Variants in TMEM132D observed in about 807,000 individuals in gnomAD.
The protein encoded by TMEM132D is transmembrane protein 132D.
Under a neutral mutation model 62.3 loss-of-function variants are expected in TMEM132D, and 21 were observed. The ratio of observed to expected loss-of-function variants is 0.34; its 90% CI spans 0.24 to 0.49. The LOEUF (loss-of-function observed/expected upper bound fraction) is 0.49. TMEM132D is among the 20% of genes least tolerant of loss of function. The probability of loss-of-function intolerance (pLI) is 0.99; values close to 1 mark genes in which losing one functional copy is unlikely to be tolerated. For missense variants in TMEM132D, 1,346 were observed against 1,402.8 expected, an observed-to-expected ratio of 0.96 and a Z score of 0.65; for synonymous variants, 621 against 575.6, an observed-to-expected ratio of 1.08 and a Z score of -1.13.
At chr12:129,877,628 C>CACACACACACAGAG (rs869172595) in intron 1 of TMEM132D, among the ~76,000 whole-genome samples, 1 of 146,962 alleles carries the variant, frequency 6.8e-6, no homozygotes, top group Non-Finnish European at 1.5e-5. Flanking sequence ...CACACACACA[C>CACACACACACAGAG]AGAGAGAGAG....
intron 1 of TMEM132D, among the ~76,000 whole-genome samples, chr12:129,823,722 A>T (rs894572180): frequency 2.0e-5 from 3 of 152,180 alleles, no homozygotes; most frequent in African/African-American, 7.2e-5. Flanking sequence ...GTGAGAACAA[A>T]TTTGCGGCTC....
intron 3 of TMEM132D, among the ~76,000 whole-genome samples, chr12:129,457,407 A>G (rs1191690626): frequency 1.5e-5 from 2 of 131,390 alleles, no homozygotes; most frequent in East Asian, 5.1e-4. Flanking sequence ...ACATGGACAC[A>G]GGAAGGGGAA....
intron 1 of TMEM132D, among the ~76,000 whole-genome samples, chr12:129,825,393 GCAGTGCACT>G (rs2137328764): frequency 6.6e-6 from 1 of 152,202 alleles, no homozygotes; most frequent in South Asian, 2.1e-4. Flanking sequence ...CTCCAGCTGG[GCAGTGCACT>G]CTGCTGCCTC....
intron 1 of TMEM132D, among the ~76,000 whole-genome samples, chr12:129,876,430 T>A (rs899868683): frequency 2.0e-5 from 3 of 152,244 alleles, no homozygotes. Context: ...CTAAGGATTA[T>A]TGGTTGACTG....
intron 4 of TMEM132D, among the ~76,000 whole-genome samples, chr12:129,282,697 A>C (rs568858502): frequency 6.6e-6 from 1 of 152,350 alleles, no homozygotes; most frequent in South Asian, 2.1e-4. Flanking sequence ...GTTGAAAATT[A>C]GAAAACTCCA....
At chr12:129,530,674 G>C (rs748491744) in intron 3 of TMEM132D, among the ~76,000 whole-genome samples, 9 of 152,218 alleles carry the variant, frequency 5.9e-5, no homozygotes, top group South Asian at 2.1e-4. Flanking sequence ...CGTGTGAAGA[G>C]AGACGTATAG....
At chr12:129,514,261 C>G (rs1210595827) in intron 3 of TMEM132D, among the ~76,000 whole-genome samples, 1 of 152,218 alleles carries the variant, frequency 6.6e-6, no homozygotes, top group Non-Finnish European at 1.5e-5. Context: ...ACCACCACCA[C>G]CAGCATCTCC....
chr12:129,737,470 C>T (rs921990562), intron 1 of TMEM132D, among the ~76,000 whole-genome samples: 1 of 152,200 alleles, frequency 6.6e-6, no homozygotes, highest in South Asian at 2.1e-4. Flanking sequence ...AATCTCCAGG[C>T]TTGCATTCCA....
chr12:129,829,578 G>T (rs546260016), intron 1 of TMEM132D, among the ~76,000 whole-genome samples: 2 of 152,180 alleles, frequency 1.3e-5, no homozygotes, highest in East Asian at 3.9e-4. Context: ...GCCACTCCTG[G>T]GACAGTCTCC....
In TMEM132D at chr12:129,637,542, C is replaced by A. The variant is rs144293254; in HGVS notation, c.968+62268G>T. 6.5e-3 allele frequency among the ~76,000 whole-genome samples: 987 copies of A among 152,250 alleles called. 5 individuals carry two copies. The highest frequency in any genetic ancestry group is 8.8e-3 in the Non-Finnish European group (600 of 68,024). On this transcript the variant is annotated intron_variant, in intron 2 of 8. Coordinates refer to ENST00000422113, the MANE Select transcript of TMEM132D (RefSeq NM_133448.3). ...TCAAAAGCGTGTGGTACCTTACCCCCACCCCCTTCCTCCTGGTCTGGCCAT... is the reference window on the plus strand; with the variant it reads ...TCAAAAGCGTGTGGTACCTTACCCCAACCCCCTTCCTCCTGGTCTGGCCAT...
At chr12:129,148,981 CA>C in intron 5 of TMEM132D, among the ~76,000 whole-genome samples, 1 of 152,024 alleles carries the variant, frequency 6.6e-6, no homozygotes, top group Admixed American at 6.5e-5. Context: ...TCAGCTTTGA[CA>C]AAAAGGGACT....
chr12:129,105,859 C>T (rs200867432), intron 5 of TMEM132D, among the ~76,000 whole-genome samples: 25 of 150,874 alleles, frequency 1.7e-4, no homozygotes, highest in Admixed American at 3.3e-4. Flanking sequence ...GTCAGTGTGG[C>T]GATTCCTCAG....
intron 4 of TMEM132D, among the ~76,000 whole-genome samples, chr12:129,260,857 A>G (rs571527345): frequency 1.0e-3 from 156 of 152,326 alleles, no homozygotes; most frequent in African/African-American, 3.6e-3. Context: ...ATTCATTTTT[A>G]TGGCTGAATA....
rs182119487 is a variant in TMEM132D, at chr12:129,234,722, A to G, written c.1300-25059T>C. Among the ~76,000 whole-genome samples the G allele has an allele frequency of 1.2e-4, 18 of 152,356 alleles. No homozygotes were observed. In the East Asian group the frequency reaches 2.7e-3, roughly 23 times the overall value. ...CAGGATGCCAATACTAATGACTTATATATGTTAATCTGATAGGTTTTAATA... is the reference window on the plus strand; with the variant it reads ...CAGGATGCCAATACTAATGACTTATGTATGTTAATCTGATAGGTTTTAATA... On this transcript the variant is annotated intron_variant, in intron 4 of 8. Coordinates refer to ENST00000422113, the MANE Select transcript of TMEM132D (RefSeq NM_133448.3).
intron 3 of TMEM132D, among the ~76,000 whole-genome samples, chr12:129,373,717 C>G (rs1870693883): frequency 6.6e-6 from 1 of 152,142 alleles, no homozygotes; most frequent in Admixed American, 6.5e-5. Flanking sequence ...AGCAGGCATA[C>G]ACATTTCCTT....
intron 1 of TMEM132D, among the ~76,000 whole-genome samples, chr12:129,801,691 T>C (rs1871789686): frequency 6.6e-6 from 1 of 151,914 alleles, no homozygotes; most frequent in Admixed American, 6.6e-5. Flanking sequence ...GGTTGGAGAA[T>C]GACTTTGACG....
At chr12:129,767,879 G>A (rs922931585) in intron 1 of TMEM132D, among the ~76,000 whole-genome samples, 8 of 152,262 alleles carry the variant, frequency 5.3e-5, no homozygotes, top group South Asian at 2.1e-4. Flanking sequence ...ACACTTCCAC[G>A]TGGCTGGGGA....
At chr12:129,884,982 A>C (rs1041237793) in intron 1 of TMEM132D, among the ~76,000 whole-genome samples, 63 of 152,262 alleles carry the variant, frequency 4.1e-4, no homozygotes, top group Admixed American at 8.5e-4. Context: ...AACTTGTAAG[A>C]ATATTAAATG....
intron 3 of TMEM132D, among the ~76,000 whole-genome samples, chr12:129,460,413 C>A (rs1873624762): frequency 6.6e-6 from 1 of 152,096 alleles, no homozygotes; most frequent in African/African-American, 2.4e-5. Flanking sequence ...GGGATTCCTG[C>A]ATAGGAACAT....
Sources: allele counts gnomAD v4.1 joint callset (sites outside exome capture counted in the v4.1 genomes callset), GRCh38; gene constraint gnomAD v4.1.1; transcripts MANE v1.5; gene names NCBI Gene and HGNC (gene_info 2026-07-23, HGNC 2026-07-21).